Variants in UNC13C observed in about 807,000 individuals in gnomAD.
The protein encoded by UNC13C is unc-13 homolog C.
Under a neutral mutation model 245.4 loss-of-function variants are expected in UNC13C, and 174 were observed. The observed-to-expected ratio is 0.71, with a 90% CI of 0.63 to 0.80. The LOEUF (loss-of-function observed/expected upper bound fraction) is 0.80. Ranked by LOEUF, UNC13C falls within the 30% of genes least tolerant of loss-of-function variation. The pLI, the probability that UNC13C is intolerant of heterozygous loss-of-function variation, is 0.00. For missense variants in UNC13C, 2,829 were observed against 2,602.9 expected (o/e 1.09, Z -1.89); for synonymous variants, 992 against 895.1 (o/e 1.11, Z -1.93).
At chr15:54,480,880 C>G (rs1237070999) in intron 19 of UNC13C, among the ~76,000 whole-genome samples, 1 of 151,958 alleles carries the variant, frequency 6.6e-6, no homozygotes, top group Non-Finnish European at 1.5e-5. Context: ...AGCCTTTTTC[C>G]TATAGTCACA....
chr15:54,557,989 A>C lies in UNC13C; in HGVS notation c.5958+2477A>C, dbSNP rs182214050. Among the ~76,000 whole-genome samples, 878 of 152,050 alleles carry C rather than the reference A, an allele frequency of 5.8e-3. 9 individuals are homozygous for C. The highest frequency in any genetic ancestry group is 0.02 in the African/African-American group (837 of 41,444). ...AAATTGGAAATCATCATTCTCAGTA[A>C]ACTATCGCAAGAACGAAAAACCAAA... is the stretch of plus-strand genomic sequence containing the variant. On this transcript the variant is annotated intron_variant, in intron 29 of 32. Transcript: ENST00000260323.
intron 30 of UNC13C, among the ~76,000 whole-genome samples, chr15:54,588,798 AT>A (rs1442734421): frequency 6.6e-6 from 1 of 152,180 alleles, no homozygotes; most frequent in African/African-American, 2.4e-5. Context: ...CATCTAGGTC[AT>A]TGCAAACGCT....
chr15:54,338,557 C>G, intron 17 of UNC13C, 68 bp downstream of exon 17: 1 of 1,532,794 alleles, frequency 6.5e-7, no homozygotes, highest in Non-Finnish European at 8.9e-7. Flanking sequence ...ATAAGTTTAG[C>G]ATAATAGTAA....
At chr15:54,012,089 T>A (rs2140989251) in intron 1 of UNC13C, among the ~76,000 whole-genome samples, 1 of 152,350 alleles carries the variant, frequency 6.6e-6, no homozygotes, top group South Asian at 2.1e-4. Flanking sequence ...CAAAATTAAA[T>A]GTAAACGTTA....
intron 13 of UNC13C, among the ~76,000 whole-genome samples, chr15:54,307,408 T>C (rs1409714041): frequency 6.6e-6 from 1 of 151,904 alleles, no homozygotes; most frequent in East Asian, 1.9e-4. Context: ...TAATCACCTC[T>C]CAACAGCCTC....
At chr15:53,986,725 C>T (rs1894158613) in intron 1 of UNC13C, among the ~76,000 whole-genome samples, 1 of 151,942 alleles carries the variant, frequency 6.6e-6, no homozygotes, top group South Asian at 2.1e-4. Flanking sequence ...TCATTGTGAA[C>T]TTAATCTCTT....
At chr15:54,632,269 G>T (rs1431287124), downstream of UNC13C, 1 of 152,116 alleles carries the variant, frequency 6.6e-6, no homozygotes, top group Non-Finnish European at 1.5e-5. Flanking sequence ...TTTCATCCCA[G>T]TCCGTGGCTA....
intron 19 of UNC13C, among the ~76,000 whole-genome samples, chr15:54,422,547 T>G (rs995155752): frequency 6.6e-6 from 1 of 152,016 alleles, no homozygotes. Flanking sequence ...CAACTTTACC[T>G]CATTCACGTT....
chr15:54,421,728 T>G (rs2040648698), intron 19 of UNC13C, among the ~76,000 whole-genome samples: 1 of 152,098 alleles, frequency 6.6e-6, no homozygotes, highest in African/African-American at 2.4e-5. Flanking sequence ...CTCATCCTTA[T>G]GCAAGTAGAA....
intron 4 of UNC13C, among the ~76,000 whole-genome samples, chr15:54,224,385 T>A (rs1176176811): frequency 6.6e-6 from 1 of 152,154 alleles, no homozygotes; most frequent in East Asian, 1.9e-4. Flanking sequence ...TCAGTTGAAA[T>A]GGTCATATGG....
rs1309346998 is a variant in UNC13C at position 54,622,456 on chromosome 15, T to A, written c.6199+37T>A. On this transcript the variant is annotated intron_variant, in intron 31 of 32. Transcript: ENST00000260323. Reference sequence around the variant, plus strand: ...GTCTAGATAAATCAAAACAGCCTTCTAAACTTCTGCAGCAGTACTGATATC... The same window carrying A: ...GTCTAGATAAATCAAAACAGCCTTCAAAACTTCTGCAGCAGTACTGATATC... The A allele has an allele frequency of 4.1e-6, 6 of 1,480,774 alleles. No individual in the cohort carries two copies. The South Asian group carries it at 5.7e-5, about 14-fold the overall frequency. 91.7% of individuals were successfully genotyped at this position (1,480,774 alleles called of 1,614,324 possible). A position where few individuals can be genotyped will look rare whatever the true frequency, so the allele number is the denominator to read the frequency against.
At chr15:54,319,602 G>A (rs753780762) in intron 13 of UNC13C, among the ~76,000 whole-genome samples, 7 of 151,866 alleles carry the variant, frequency 4.6e-5, no homozygotes, top group Non-Finnish European at 8.8e-5. Context: ...TGACAAAGTA[G>A]GTAGCAAGGT....
chr15:54,316,875 G>A (rs1388339094), intron 13 of UNC13C, among the ~76,000 whole-genome samples: 1 of 151,878 alleles, frequency 6.6e-6, no homozygotes, highest in African/African-American at 2.4e-5. Flanking sequence ...CTGCCTCTAT[G>A]ATTGCACTTT....
At chr15:54,511,718 A>T in intron 23 of UNC13C, 35 bp from the exon 24 acceptor site, 1 of 1,420,494 alleles carries the variant, frequency 7.0e-7, no homozygotes, top group Non-Finnish European at 9.7e-7. Flanking sequence ...ATATAAAAAG[A>T]TTGCTCATAA....
intron 8 of UNC13C, among the ~76,000 whole-genome samples, chr15:54,252,921 G>C (rs999832623): frequency 1.3e-5 from 2 of 152,156 alleles, no homozygotes; most frequent in Non-Finnish European, 2.9e-5. Flanking sequence ...AAGCCAAGGA[G>C]TCTTTCCTTG....
rs146003851 is a variant in UNC13C at position 54,128,519 on chromosome 15, T to C, written c.2984-14499T>C. Among the ~76,000 whole-genome samples, 293 of 152,352 alleles carry C rather than the reference T, an allele frequency of 1.9e-3. 11 individuals carry two copies. The East Asian group carries it at 0.042, about 22-fold the overall frequency. ...GTTGATTGTCTTTCCTCATTCCCTT[T>C]GATATCTCCCTGGGTCTTGCTATGA... is the stretch of plus-strand genomic sequence containing the variant. On this transcript the variant is annotated intron_variant, in intron 2 of 32. Coordinates refer to ENST00000260323, the MANE Select transcript of UNC13C (RefSeq NM_001080534.3).
chr15:54,417,906 C>T (rs2040554276), intron 19 of UNC13C, among the ~76,000 whole-genome samples: 1 of 151,610 alleles, frequency 6.6e-6, no homozygotes, highest in Non-Finnish European at 1.5e-5. Context: ...TTAAAATTTC[C>T]TATATGTTTT....
At chr15:54,000,667 T>G (rs1044494664) in intron 1 of UNC13C, among the ~76,000 whole-genome samples, 1 of 152,168 alleles carries the variant, frequency 6.6e-6, no homozygotes, top group Non-Finnish European at 1.5e-5. Flanking sequence ...GGATGTTCTT[T>G]TGGCATTAGA....
intron 2 of UNC13C, among the ~76,000 whole-genome samples, chr15:54,131,114 G>A (rs576807972): frequency 1.6e-4 from 25 of 152,262 alleles, no homozygotes; most frequent in African/African-American, 6.0e-4. Context: ...ATAATTGGGA[G>A]ATTATGTTTG....
Sources: allele counts gnomAD v4.1 joint callset (sites outside exome capture counted in the v4.1 genomes callset), GRCh38; gene constraint gnomAD v4.1.1; transcripts MANE v1.5; gene names NCBI Gene and HGNC (gene_info 2026-07-23, HGNC 2026-07-21).